The following CIRSR variants were observed in gnomAD, a reference collection of about 807,000 sequenced individuals.
CIRSR encodes corepressor of RBPJ and splicing regulator, also known as CBF1 (RBPJ) interacting corepressor 1.
the CIRSR span, chr2:174,378,820 C>A: frequency 1.1e-6 from 1 of 879,188 alleles, no homozygotes; most frequent in South Asian, 1.3e-5. Flanking sequence ...ACAAGCCCCA[C>A]ACACAAACCC....
chr2:174,349,354 C>T, the CIRSR span, among the ~76,000 whole-genome samples: 1 of 151,954 alleles, frequency 6.6e-6, no homozygotes, highest in African/African-American at 2.4e-5. Context: ...ATCACAAGGT[C>T]AGGAGTTCGA....
chr2:174,356,561 AAG>A, the CIRSR span, among the ~76,000 whole-genome samples: 1 of 146,560 alleles, frequency 6.8e-6, no homozygotes. Context: ...GAAAGGAAGA[AAG>A]AAAGGAGAAA....
chr2:174,388,527 G>GT, the CIRSR span, among the ~76,000 whole-genome samples: 1 of 151,888 alleles, frequency 6.6e-6, no homozygotes, highest in Non-Finnish European at 1.5e-5. Flanking sequence ...GCAAGTTTGG[G>GT]TTTTTTCAAA....
chr2:174,351,793 G>C, the CIRSR span: 1 of 1,181,146 alleles, frequency 8.5e-7, no homozygotes, highest in Admixed American at 2.2e-5. Flanking sequence ...CTCCACAGTA[G>C]GAATGCAGTT....
the CIRSR span, chr2:174,395,554 T>C: frequency 1.1e-5 from 18 of 1,614,002 alleles, no homozygotes; most frequent in Non-Finnish European, 1.5e-5. Context: ...TACTCACTTT[T>C]TTGATATTGG....
At chr2:174,388,345 C>G in the CIRSR span, among the ~76,000 whole-genome samples, 1 of 151,968 alleles carries the variant, frequency 6.6e-6, no homozygotes, top group Non-Finnish European at 1.5e-5. Context: ...ATTACAGGAC[C>G]CTGCCACCAC....
chr2:174,387,942 A>C, the CIRSR span, among the ~76,000 whole-genome samples: 1 of 152,244 alleles, frequency 6.6e-6, no homozygotes, highest in Non-Finnish European at 1.5e-5. Context: ...ACAGTGGAAG[A>C]AGAAGAATTG....
chr2:174,361,864 A>T, the CIRSR span, among the ~76,000 whole-genome samples: 8 of 152,114 alleles, frequency 5.3e-5, no homozygotes, highest in Non-Finnish European at 8.8e-5. Flanking sequence ...ATTTTTTTTT[A>T]AAAGCAATTT....
At chr2:174,366,910 A>G in the CIRSR span, among the ~76,000 whole-genome samples, 1 of 152,196 alleles carries the variant, frequency 6.6e-6, no homozygotes, top group Non-Finnish European at 1.5e-5. Context: ...TGTGGCATAC[A>G]TACAAAAGTG....
At chr2:174,392,830 C>G in the CIRSR span, among the ~76,000 whole-genome samples, 1 of 152,130 alleles carries the variant, frequency 6.6e-6, no homozygotes, top group African/African-American at 2.4e-5. Context: ...TATAGGACAT[C>G]AAGATGCAAA....
the CIRSR span, chr2:174,395,652 C>A: frequency 6.2e-7 from 1 of 1,614,150 alleles, no homozygotes; most frequent in Non-Finnish European, 8.5e-7. Flanking sequence ...AAAGCAGGGG[C>A]TAGATCTGTT....
At chr2:174,365,885 C>G in the CIRSR span, among the ~76,000 whole-genome samples, 1 of 152,060 alleles carries the variant, frequency 6.6e-6, no homozygotes, top group Non-Finnish European at 1.5e-5. Context: ...AGCATCAGAA[C>G]CAGACTTAGA....
At chr2:174,362,086 C>T in the CIRSR span, among the ~76,000 whole-genome samples, 2 of 152,032 alleles carry the variant, frequency 1.3e-5, no homozygotes, top group Non-Finnish European at 2.9e-5. Flanking sequence ...ACACTTGAAC[C>T]TGGGAGTTTG....
chr2:174,364,989 T>C, the CIRSR span, among the ~76,000 whole-genome samples: 1 of 152,320 alleles, frequency 6.6e-6, no homozygotes, highest in Admixed American at 6.5e-5. Flanking sequence ...TCCTCAGAAA[T>C]TGGGATTTTC....
the CIRSR span, chr2:174,351,663 G>A: frequency 5.0e-6 from 8 of 1,613,594 alleles, no homozygotes; most frequent in African/African-American, 2.7e-5. Context: ...AGTACATTTC[G>A]TTTCAGTGCA....
At chr2:174,360,273 G>A in the CIRSR span, among the ~76,000 whole-genome samples, 1 of 152,294 alleles carries the variant, frequency 6.6e-6, no homozygotes, top group East Asian at 1.9e-4. Context: ...TAGTACTTGA[G>A]AGAGCTTGTT....
chr2:174,361,180 T>C, the CIRSR span, among the ~76,000 whole-genome samples: 3 of 152,346 alleles, frequency 2.0e-5, no homozygotes, highest in Non-Finnish European at 4.4e-5. Context: ...GTTTCAATAT[T>C]TGCCTGTTTT....
chr2:174,378,918 C>A, the CIRSR span: 2 of 1,586,504 alleles, frequency 1.3e-6, no homozygotes, highest in East Asian at 4.5e-5. Flanking sequence ...ATGTCTAGTG[C>A]CTACCTGAGC....
the CIRSR span, chr2:174,378,986 G>C: frequency 3.1e-6 from 5 of 1,613,882 alleles, no homozygotes; most frequent in Non-Finnish European, 4.2e-6. Flanking sequence ...GGACATTCTC[G>C]ATCTGTGTTG....
Sources: allele counts gnomAD v4.1 joint callset (sites outside exome capture counted in the v4.1 genomes callset), GRCh38; gene constraint gnomAD v4.1.1; transcripts MANE v1.5; gene names NCBI Gene and HGNC (gene_info 2026-07-23, HGNC 2026-07-21).